Variants in GRB14 observed in about 807,000 individuals in gnomAD.
GRB14 encodes growth factor receptor bound protein 14.
GRB14 carries 38 observed loss-of-function variants against 69.1 expected under a neutral mutation model. The observed-to-expected ratio is 0.55, with a 90% CI of 0.42 to 0.72. The LOEUF (loss-of-function observed/expected upper bound fraction) is 0.72. Ranked by LOEUF, GRB14 falls within the 30% of genes least tolerant of loss-of-function variation. The probability of loss-of-function intolerance (pLI) is 0.00; values close to 1 mark genes in which losing one functional copy is unlikely to be tolerated. For missense variants in GRB14, 666 were observed against 666.1 expected (o/e 1.00, Z 0.00); for synonymous variants, 247 against 241.3 (o/e 1.02, Z -0.22).
At chr2:164,615,816 A>T (rs1291731379) in intron 2 of GRB14, among the ~76,000 whole-genome samples, 2 of 152,162 alleles carry the variant, frequency 1.3e-5, no homozygotes, top group Non-Finnish European at 2.9e-5. Context: ...CAAGCACAAA[A>T]ATTACCTAGG....
chr2:164,568,538 AT>A (rs1321618886), intron 2 of GRB14: 30 of 972,454 alleles, frequency 3.1e-5, no homozygotes, highest in Non-Finnish European at 3.5e-5. Context: ...CCCAAAGCCA[AT>A]TAAGGATGGC....
At chr2:164,511,242 C>A (rs1001202514) in intron 6 of GRB14, among the ~76,000 whole-genome samples, 1 of 152,184 alleles carries the variant, frequency 6.6e-6, no homozygotes, top group Non-Finnish European at 1.5e-5. Flanking sequence ...AAGCCATGCA[C>A]TTGGAGGGCA....
chr2:164,502,371 T>C (rs748769227), intron 8 of GRB14, 36 bp from the exon 9 acceptor site: 1 of 1,045,346 alleles, frequency 9.6e-7, no homozygotes, highest in Admixed American at 1.7e-5. Context: ...TTCCCACCAC[T>C]TTTACTACTC....
At chr2:164,588,222 G>C (rs1408884646) in intron 2 of GRB14, among the ~76,000 whole-genome samples, 2 of 152,082 alleles carry the variant, frequency 1.3e-5, no homozygotes, top group African/African-American at 4.8e-5. Flanking sequence ...TCATTTGATG[G>C]TTTCATAAAG....
In GRB14 at chr2:164,508,473, G is replaced by C. The variant is rs757740337; in HGVS notation, c.1005C>G (p.Thr335=). The C allele has an allele frequency of 1.3e-5, 21 of 1,613,684 alleles. No homozygotes were observed. Among genetic ancestry groups the C allele is most frequent in the Non-Finnish European group, 1.5e-5 (18 of 1,179,870 alleles). The change falls in exon 8 of 14, where the codon ACC becomes ACG. Residue 335 remains threonine (T), a synonymous_variant. Transcript: ENST00000263915. ...AGATTACCTTAAGCAATCTAATCGC[G>C]GTCACCCAGCACGTCCTACTCTGCT... ...EEEQSRTCWV[T]AIRLLKYGMQ... is the part of the protein sequence containing the mutation.
chr2:164,578,979 T>A (rs772506631), intron 2 of GRB14, among the ~76,000 whole-genome samples: 1 of 152,084 alleles, frequency 6.6e-6, no homozygotes, highest in African/African-American at 2.4e-5. Context: ...GGGTAGGAAT[T>A]AAGAGAACTA....
At chr2:164,584,986 GGCTAGAGT>G (rs140041930) in intron 2 of GRB14, among the ~76,000 whole-genome samples, 27,549 of 150,114 alleles carry the variant, frequency 0.18, 2,865 homozygotes, top group African/African-American at 0.28. Flanking sequence ...CTGTTACCTA[GGCTAGAGT>G]GCAGTGGTGT....
At chr2:164,525,224 G>T in intron 4 of GRB14, 146 bp from the exon 5 acceptor site, 2 of 669,358 alleles carry the variant, frequency 3.0e-6, no homozygotes, top group Non-Finnish European at 5.3e-6. Flanking sequence ...CCCGTCCTTA[G>T]ACTCTACTCA....
At chr2:164,512,584 C>T (rs138588730) in intron 6 of GRB14, among the ~76,000 whole-genome samples, 8 of 152,338 alleles carry the variant, frequency 5.3e-5, no homozygotes, top group Non-Finnish European at 8.8e-5. Context: ...GGCTTCACTA[C>T]GTGCTGACTG....
intron 2 of GRB14, among the ~76,000 whole-genome samples, chr2:164,614,321 G>C (rs1206923430): frequency 2.0e-5 from 3 of 152,188 alleles, no homozygotes; most frequent in African/African-American, 7.2e-5. Flanking sequence ...AAATAGCTCA[G>C]AGGGCCTAAA....
chr2:164,550,121 C>T (rs6748994), intron 2 of GRB14, among the ~76,000 whole-genome samples: 2,951 of 152,154 alleles, frequency 0.019, 77 homozygotes, highest in African/African-American at 0.067. Flanking sequence ...CTTTTCTCCC[C>T]TGCAATTAGT....
chr2:164,508,525 T>C lies in GRB14; in HGVS notation c.953A>G (p.Asp318Gly), dbSNP rs111945269. 1 of 1,614,090 alleles carries C rather than the reference T, an allele frequency of 6.2e-7. No individual in the cohort carries two copies. The highest frequency in any genetic ancestry group is 8.5e-7 in the Non-Finnish European group (1 of 1,179,990). The change falls in exon 8 of 14, where the codon GAC becomes GGC. Residue 318 changes from aspartate to glycine, a missense_variant. By Grantham distance (94) the Asp-to-Gly change is moderately conservative (BLOSUM62 -1). Transcript: ENST00000263915. ...TTCTTCTGCACAGAGCATTTTCAGG[T>C]CTCGGGGCCCTCCCGCTTTGTTAGG... ...FKPNKAGGPR[D>G]LKMLCAEEEQ...
At chr2:164,607,866 C>T (rs1473909625) in intron 2 of GRB14, among the ~76,000 whole-genome samples, 1 of 152,128 alleles carries the variant, frequency 6.6e-6, no homozygotes, top group Non-Finnish European at 1.5e-5. Flanking sequence ...GAGGCTTCTG[C>T]ATGATTGCTT....
At chr2:164,563,719 T>C (rs1688892830) in intron 2 of GRB14, among the ~76,000 whole-genome samples, 1 of 152,206 alleles carries the variant, frequency 6.6e-6, no homozygotes. Context: ...GAAAAATAAA[T>C]CTCTTTTCCT....
At chr2:164,544,988 G>T (rs550633720) in intron 3 of GRB14, among the ~76,000 whole-genome samples, 1 of 152,286 alleles carries the variant, frequency 6.6e-6, no homozygotes, top group Non-Finnish European at 1.5e-5. Flanking sequence ...TTTCATAAGA[G>T]AAAGGATGTT....
chr2:164,536,069 C>A (rs577754179), intron 3 of GRB14, among the ~76,000 whole-genome samples: 81 of 152,302 alleles, frequency 5.3e-4, no homozygotes, highest in Non-Finnish European at 1.0e-3. Context: ...AGAGTAAATT[C>A]TATCTGAGCA....
intron 2 of GRB14, among the ~76,000 whole-genome samples, chr2:164,580,162 T>A (rs1415939703): frequency 3.3e-5 from 5 of 151,638 alleles, no homozygotes; most frequent in Non-Finnish European, 7.4e-5. Flanking sequence ...TGGCGTGGTC[T>A]CGCCTCACTG....
chr2:164,524,247 G>A (rs1158347974), intron 5 of GRB14, among the ~76,000 whole-genome samples: 2 of 151,870 alleles, frequency 1.3e-5, no homozygotes, highest in African/African-American at 4.8e-5. Flanking sequence ...GAGCTCAAAC[G>A]GCAACCATTA....
chr2:164,566,678 A>C (rs2105326951), intron 2 of GRB14, among the ~76,000 whole-genome samples: 1 of 152,198 alleles, frequency 6.6e-6, no homozygotes, highest in South Asian at 2.1e-4. Flanking sequence ...AATTGTTCAA[A>C]CTCCTTGAAA....
Sources: gnomAD v4.1 joint callset for allele counts (sites outside exome capture counted in the v4.1 genomes callset) on GRCh38, gnomAD v4.1.1 for gene constraint, MANE v1.5 for transcripts, NCBI Gene and HGNC (gene_info 2026-07-23, HGNC 2026-07-21) for gene names.